The following ARHGAP8 variants were observed in gnomAD, a reference collection of about 807,000 sequenced individuals.
ARHGAP8 encodes rho GTPase-activating protein 8.
Under a neutral mutation model 46.1 loss-of-function variants are expected in ARHGAP8, and 62 were observed. The ratio of observed to expected loss-of-function variants is 1.34; its 90% confidence interval spans 1.10 to 1.66. The LOEUF (loss-of-function observed/expected upper bound fraction) is 1.66. Ranked by LOEUF, ARHGAP8 falls within the 40% of genes most tolerant of loss-of-function variation. The pLI, the probability that ARHGAP8 is intolerant of heterozygous loss-of-function variation, is 0.00. For missense variants in ARHGAP8, 923 were observed against 568.4 expected (o/e 1.62, Z -6.34); for synonymous variants, 375 against 243.1 (o/e 1.54, Z -5.05).
At chr22:44,818,687 T>C (rs1929922966) in intron 5 of ARHGAP8, among the ~76,000 whole-genome samples, 1 of 151,188 alleles carries the variant, frequency 6.6e-6, no homozygotes, top group Non-Finnish European at 1.5e-5. Context: ...ATTTTATTTT[T>C]CTTCCTTCCT....
In ARHGAP8 at chr22:44,859,824, T is replaced by C. The variant is rs1260035571; in HGVS notation, c.971T>C (p.Phe324Ser). The change falls in exon 11 of 12, where the codon TTC becomes TCC. Residue 324 changes from phenylalanine (F) to serine (S), a missense_variant. Transcript: ENST00000356099. ...GTCGTCCTCCGCTACCTCATGGGCT[T>C]CCTGCATGCGGTGAGTGGGGAAGGG... ...NYVVLRYLMGFLHAVSRESIF... is the reference protein window; with the variant it reads ...NYVVLRYLMGSLHAVSRESIF... 6.2e-7 allele frequency: 1 copy of C among 1,613,780 alleles called. No individual in the cohort carries two copies. The highest frequency in any genetic ancestry group is 8.5e-7 in the Non-Finnish European group (1 of 1,179,898).
intron 7 of ARHGAP8, among the ~76,000 whole-genome samples, chr22:44,828,793 C>A (rs1266276391): frequency 6.6e-6 from 1 of 152,032 alleles, no homozygotes; most frequent in Non-Finnish European, 1.5e-5. Flanking sequence ...TCCCCACGTT[C>A]CTGAAGCCCT....
chr22:44,836,919 C>A (rs997007228), intron 7 of ARHGAP8, among the ~76,000 whole-genome samples: 6 of 152,092 alleles, frequency 3.9e-5, no homozygotes, highest in African/African-American at 1.2e-4. Flanking sequence ...CACTCTGTCA[C>A]CCAGGTTGGA....
chr22:44,854,730 C>T (rs2070179879), intron 10 of ARHGAP8, among the ~76,000 whole-genome samples: 1 of 152,192 alleles, frequency 6.6e-6, no homozygotes, highest in African/African-American at 2.4e-5. Flanking sequence ...CCTCTGGCTC[C>T]TGGGTTCAAG....
intron 1 of ARHGAP8, among the ~76,000 whole-genome samples, chr22:44,754,457 G>T (rs954352048): frequency 1.3e-5 from 2 of 152,106 alleles, no homozygotes; most frequent in Admixed American, 6.6e-5. Flanking sequence ...CTTGGTTCAA[G>T]TGCTTCTCGT....
At chr22:44,841,456 C>T (rs1394898863) in intron 7 of ARHGAP8, among the ~76,000 whole-genome samples, 1 of 152,146 alleles carries the variant, frequency 6.6e-6, no homozygotes, top group Non-Finnish European at 1.5e-5. Flanking sequence ...TGCTCCCTGC[C>T]TTCCAAGTGC....
intron 7 of ARHGAP8, among the ~76,000 whole-genome samples, chr22:44,834,876 AT>A (rs2147139913): frequency 6.6e-6 from 1 of 152,226 alleles, no homozygotes; most frequent in African/African-American, 2.4e-5. Flanking sequence ...ACTAGTAACA[AT>A]TTTTGTGTTA....
Position 44,848,660 on chromosome 22 carries a change from T to G in ARHGAP8, c.749-272T>G, listed in dbSNP as rs527602763. Among the ~76,000 whole-genome samples, 13 of 152,290 alleles carry G rather than the reference T, an allele frequency of 8.5e-5. No homozygotes were observed. The East Asian group carries it at 2.5e-3, about 29-fold the overall frequency. On this transcript the variant is annotated intron_variant, in intron 9 of 11. Coordinates refer to ENST00000356099, the MANE Select transcript of ARHGAP8 (RefSeq NM_181335.3). Reference sequence around the variant, plus strand: ...ACCTGGCCTCAGAGAGCTGGCATTGTAGCCGGGAGCAACAGCATGCCACAG... The same window carrying G: ...ACCTGGCCTCAGAGAGCTGGCATTGGAGCCGGGAGCAACAGCATGCCACAG...
At chr22:44,762,545 T>C (rs1330680383) in intron 1 of ARHGAP8, among the ~76,000 whole-genome samples, 16 of 30,898 alleles carry the variant, frequency 5.2e-4, no homozygotes, top group Non-Finnish European at 6.1e-4. Context: ...CTCTCTCTCT[T>C]TTTTTTTTTT....
intron 2 of ARHGAP8, among the ~76,000 whole-genome samples, chr22:44,793,375 G>A (rs904330602): frequency 3.5e-4 from 53 of 152,120 alleles, no homozygotes; most frequent in African/African-American, 1.2e-3. Flanking sequence ...AGTCCACGCC[G>A]GACCTGGCCC....
At position 44,859,982 on chromosome 22, in the gene ARHGAP8, T is replaced by G; in HGVS notation, c.981+148T>G. 3.0e-6 allele frequency: 3 copies of G among 985,696 alleles called. No individual in the cohort carries two copies. The South Asian group carries it at 5.1e-5, about 17-fold the overall frequency. The allele number at this position is 985,696 out of a possible 1,614,324, so 61.1% of individuals were successfully genotyped here. On this transcript the variant is annotated intron_variant, in intron 11 of 11. Coordinates refer to ENST00000356099, the MANE Select transcript of ARHGAP8 (RefSeq NM_181335.3). Reference sequence around the variant, plus strand: ...TACCACTCCCTGCCCCCCAAGGACCTCATCCAAGGCCTGGTCAGGCACCCA... The same window carrying G: ...TACCACTCCCTGCCCCCCAAGGACCGCATCCAAGGCCTGGTCAGGCACCCA...
intron 4 of ARHGAP8, among the ~76,000 whole-genome samples, chr22:44,810,402 C>T (rs552423834): frequency 4.6e-5 from 7 of 152,180 alleles, no homozygotes; most frequent in South Asian, 2.1e-4. Context: ...CCACCATGCC[C>T]GGCTAATTTT....
chr22:44,824,362 G>A (rs1423730516), intron 6 of ARHGAP8, among the ~76,000 whole-genome samples: 2 of 152,184 alleles, frequency 1.3e-5, no homozygotes, highest in African/African-American at 4.8e-5. Flanking sequence ...CAGCTCACAC[G>A]TGCTTGGCTG....
In ARHGAP8 at chr22:44,754,660, C is replaced by T. The variant is rs116508789; in HGVS notation, c.-72+2033C>T. ...GATTACAGGCATGAGCCACCACACC[C>T]GGCCGAGTCATTGAAACTTACTTGA... On this transcript the variant is annotated intron_variant, in intron 1 of 11. Coordinates refer to ENST00000356099, the MANE Select transcript of ARHGAP8 (RefSeq NM_181335.3). Among the ~76,000 whole-genome samples, 310 of 152,150 alleles carry T rather than the reference C, an allele frequency of 2.0e-3. 2 individuals carry two copies. Among genetic ancestry groups the T allele is most frequent in the African/African-American group, 6.0e-3 (251 of 41,524 alleles).
chr22:44,820,042 C>G (rs1010022457), intron 5 of ARHGAP8, among the ~76,000 whole-genome samples: 4 of 152,066 alleles, frequency 2.6e-5, no homozygotes, highest in African/African-American at 9.7e-5. Flanking sequence ...TTCCCAAGTC[C>G]TCATTTGTAA....
At chr22:44,855,711 A>C (rs1183601558) in intron 10 of ARHGAP8, among the ~76,000 whole-genome samples, 5 of 152,132 alleles carry the variant, frequency 3.3e-5, no homozygotes, top group Non-Finnish European at 5.9e-5. Context: ...TGGATACAAG[A>C]GATGTTCTCA....
chr22:44,824,306 C>T (rs1307075934), intron 6 of ARHGAP8, among the ~76,000 whole-genome samples: 3 of 152,214 alleles, frequency 2.0e-5, no homozygotes, highest in East Asian at 1.9e-4. Context: ...CCACTTGGGG[C>T]GCAGAGCGCT....
At chr22:44,822,107 T>C (rs565698627) in intron 5 of ARHGAP8, among the ~76,000 whole-genome samples, 1 of 152,322 alleles carries the variant, frequency 6.6e-6, no homozygotes, top group East Asian at 1.9e-4. Context: ...TCAGGGCAGA[T>C]GTAAATTGGA....
At chr22:44,841,172 C>G (rs553054399) in intron 7 of ARHGAP8, among the ~76,000 whole-genome samples, 1 of 152,318 alleles carries the variant, frequency 6.6e-6, no homozygotes, top group African/African-American at 2.4e-5. Flanking sequence ...AAGCACTGAT[C>G]CAAGTCAACG....
Sources: gnomAD v4.1 joint callset for allele counts (sites outside exome capture counted in the v4.1 genomes callset) on GRCh38, gnomAD v4.1.1 for gene constraint, MANE v1.5 for transcripts, NCBI Gene and HGNC (gene_info 2026-07-23, HGNC 2026-07-21) for gene names.